Variants in TBC1D22A observed in about 807,000 individuals in gnomAD.
TBC1D22A encodes TBC1 domain family member 22A, also known as putative GTPase activator.
In TBC1D22A, 38 loss-of-function variants were observed where a neutral mutation model predicts 60.2. The observed-to-expected ratio is 0.63, with a 90% CI of 0.49 to 0.83. The LOEUF is 0.83. Ranked by LOEUF, TBC1D22A falls within the 40% of genes least tolerant of loss-of-function variation. The probability of loss-of-function intolerance (pLI) is 0.00; values close to 1 mark genes in which losing one functional copy is unlikely to be tolerated. For missense variants in TBC1D22A, 628 were observed against 701.0 expected (o/e 0.90, Z 1.18); for synonymous variants, 302 against 281.7 (o/e 1.07, Z -0.72).
intron 12 of TBC1D22A, among the ~76,000 whole-genome samples, chr22:47,125,213 CT>C (rs915944755): frequency 2.0e-5 from 3 of 152,162 alleles, no homozygotes; most frequent in African/African-American, 7.2e-5. Flanking sequence ...ATGCACCCCC[CT>C]GGGTTCCTCC....
At chr22:46,766,932 T>C (rs563350841) in intron 1 of TBC1D22A, among the ~76,000 whole-genome samples, 10 of 152,328 alleles carry the variant, frequency 6.6e-5, no homozygotes, top group African/African-American at 2.4e-4. Context: ...CTCCCTGGTA[T>C]GTGCTTGCTT....
intron 3 of TBC1D22A, 64 bp downstream of exon 3, chr22:46,793,905 A>G (rs1249073620): frequency 2.1e-6 from 3 of 1,413,574 alleles, no homozygotes; most frequent in Non-Finnish European, 2.8e-6. Context: ...TGGCCAGAAC[A>G]CACTCACTGT....
intron 7 of TBC1D22A, among the ~76,000 whole-genome samples, chr22:46,900,892 T>A (rs2068956486): frequency 6.6e-6 from 1 of 152,246 alleles, no homozygotes; most frequent in Admixed American, 6.5e-5. Context: ...AACATCCTGT[T>A]CTCACTGCTG....
At chr22:46,912,240 TTACTATG>T in intron 8 of TBC1D22A, 52 bp downstream of exon 8, 1 of 1,286,824 alleles carries the variant, frequency 7.8e-7, no homozygotes, top group Non-Finnish European at 1.1e-6. Flanking sequence ...TTGCTGTGTG[TTACTATG>T]TATAATTATA....
At chr22:47,011,687 C>G (rs1233147767) in intron 10 of TBC1D22A, among the ~76,000 whole-genome samples, 1 of 152,170 alleles carries the variant, frequency 6.6e-6, no homozygotes, top group Non-Finnish European at 1.5e-5. Flanking sequence ...GGATTTAAAG[C>G]AGTTTCTCTG....
intron 1 of TBC1D22A, among the ~76,000 whole-genome samples, chr22:46,770,322 C>T (rs904574459): frequency 6.6e-6 from 1 of 152,234 alleles, no homozygotes; most frequent in South Asian, 2.1e-4. Context: ...CCGGAGTGAG[C>T]AGGAAAGGGG....
chr22:46,958,920 A>C (rs989764400), intron 8 of TBC1D22A, among the ~76,000 whole-genome samples: 1 of 152,230 alleles, frequency 6.6e-6, no homozygotes, highest in Admixed American at 6.5e-5. Context: ...GCATGGAGAC[A>C]CAAGATGTTT....
intron 1 of TBC1D22A, chr22:46,763,728 C>T (rs1408217054): frequency 2.6e-5 from 4 of 152,132 alleles, no homozygotes; most frequent in Non-Finnish European, 5.9e-5. Flanking sequence ...GGTTTGTACT[C>T]CTGTTTCATA....
intron 11 of TBC1D22A, among the ~76,000 whole-genome samples, chr22:47,044,005 A>AGGTGCTGGGGAG (rs1478609928): frequency 2.0e-5 from 3 of 152,058 alleles, no homozygotes; most frequent in African/African-American, 4.8e-5. Flanking sequence ...TGAGCAGGGC[A>AGGTGCTGGGGAG]GGGCTCCGCC....
At chr22:47,066,341 C>T (rs1227619260) in intron 11 of TBC1D22A, among the ~76,000 whole-genome samples, 1 of 151,638 alleles carries the variant, frequency 6.6e-6, no homozygotes, top group Non-Finnish European at 1.5e-5. Context: ...CCTCGGAATG[C>T]TGGTGGCGTG....
At chr22:46,851,008 G>A (rs976403502) in intron 4 of TBC1D22A, among the ~76,000 whole-genome samples, 1 of 152,176 alleles carries the variant, frequency 6.6e-6, no homozygotes, top group Non-Finnish European at 1.5e-5. Context: ...GGTAGTTGTG[G>A]GGCTGAGGAG....
intron 4 of TBC1D22A, among the ~76,000 whole-genome samples, chr22:46,803,191 G>A (rs189146618): frequency 8.6e-5 from 13 of 151,828 alleles, no homozygotes; most frequent in African/African-American, 2.2e-4. Flanking sequence ...CCCTTCCTGC[G>A]TGCCCCAGAT....
At chr22:47,001,761 G>A (rs1413264524) in intron 10 of TBC1D22A, among the ~76,000 whole-genome samples, 1 of 152,072 alleles carries the variant, frequency 6.6e-6, no homozygotes, top group Admixed American at 6.6e-5. Context: ...TTTTTCTTCA[G>A]GAAGAATAAT....
chr22:46,780,362 T>C (rs2083883958), intron 1 of TBC1D22A, among the ~76,000 whole-genome samples: 1 of 152,200 alleles, frequency 6.6e-6, no homozygotes, highest in Non-Finnish European at 1.5e-5. Flanking sequence ...TTTATTGCTT[T>C]TCCATACTTT....
chr22:46,909,203 G>A (rs1348036527), intron 7 of TBC1D22A, among the ~76,000 whole-genome samples: 1 of 152,174 alleles, frequency 6.6e-6, no homozygotes, highest in Non-Finnish European at 1.5e-5. Flanking sequence ...TTGTGTGTGT[G>A]TGTGCGTGCA....
At chr22:46,916,323 G>A (rs926050127) in intron 8 of TBC1D22A, among the ~76,000 whole-genome samples, 4 of 152,206 alleles carry the variant, frequency 2.6e-5, no homozygotes, top group African/African-American at 9.6e-5. Context: ...CTGTGTGGAG[G>A]TGTGCTCAGA....
intron 11 of TBC1D22A, among the ~76,000 whole-genome samples, chr22:47,097,909 C>G (rs754142748): frequency 7.9e-5 from 12 of 152,220 alleles, no homozygotes; most frequent in Admixed American, 7.8e-4. Context: ...TCAGAATACC[C>G]TTTCATCTGT....
chr22:46,862,445 C>A (rs997147512), intron 4 of TBC1D22A, among the ~76,000 whole-genome samples: 2 of 152,126 alleles, frequency 1.3e-5, no homozygotes, highest in African/African-American at 2.4e-5. Context: ...TTCCTCAGCC[C>A]CCTCTTGCTT....
At chr22:46,959,824 T>A (rs981106331) in intron 8 of TBC1D22A, among the ~76,000 whole-genome samples, 1 of 152,208 alleles carries the variant, frequency 6.6e-6, no homozygotes, top group African/African-American at 2.4e-5. Flanking sequence ...ACTCCACGTT[T>A]TCTAATGACC....
Sources: gnomAD v4.1 joint callset for allele counts (sites outside exome capture counted in the v4.1 genomes callset) on GRCh38, gnomAD v4.1.1 for gene constraint, MANE v1.5 for transcripts, NCBI Gene and HGNC (gene_info 2026-07-23, HGNC 2026-07-21) for gene names.